The following PAX8 variants were observed in gnomAD, a reference collection of about 807,000 sequenced individuals.
The protein encoded by PAX8 is paired box 8, also known as paired box protein Pax-8.
PAX8 carries 15 observed loss-of-function variants against 52.4 expected under a neutral mutation model. The ratio of observed to expected loss-of-function variants is 0.29; its 90% confidence interval spans 0.19 to 0.44. The LOEUF (loss-of-function observed/expected upper bound fraction) is 0.44. Ranked by LOEUF, PAX8 falls within the 20% of genes least tolerant of loss-of-function variation. The pLI, the probability that PAX8 is intolerant of heterozygous loss-of-function variation, is 1.00. For missense variants in PAX8, 554 were observed against 602.5 expected, an observed-to-expected ratio of 0.92 and a Z score of 0.84; for synonymous variants, 284 against 249.7, an observed-to-expected ratio of 1.14 and a Z score of -1.29.
intron 2 of PAX8, chr2:113,272,408 CCAAA>C (rs1693522419): frequency 6.6e-6 from 1 of 152,126 alleles, no homozygotes; most frequent in South Asian, 2.1e-4. Flanking sequence ...TTTCAGCAAC[CCAAA>C]CAGTCTTGTC....
Position 113,241,401 on chromosome 2 carries a change from C to T in PAX8, c.777+150G>A, listed in dbSNP as rs1336595075. On this transcript the variant is annotated intron_variant, in intron 7 of 11. Coordinates refer to ENST00000429538, the MANE Select transcript of PAX8 (RefSeq NM_003466.4). The stretch of plus-strand genomic sequence containing the variant: ...TGCCAGGGCATCTGGTAAAATAAAG[C>T]ATGTGTCAGGCTTGGAGTTGCATAA... 4 of 767,818 alleles carry T rather than the reference C, an allele frequency of 5.2e-6. No homozygotes were observed. The African/African-American group carries it at 6.8e-5, about 13-fold the overall frequency. 47.6% of individuals were successfully genotyped at this position (767,818 alleles called of 1,614,324 possible). A position where few individuals can be genotyped will look rare whatever the true frequency, so the allele number is the denominator to read the frequency against.
At chr2:113,228,026 C>A (rs1398037430) in intron 9 of PAX8, among the ~76,000 whole-genome samples, 3 of 152,178 alleles carry the variant, frequency 2.0e-5, no homozygotes, top group Non-Finnish European at 4.4e-5. Context: ...GCTTGTGGGT[C>A]ATACCCCCAC....
chr2:113,232,249 T>G (rs934092753), intron 9 of PAX8, among the ~76,000 whole-genome samples: 2 of 152,248 alleles, frequency 1.3e-5, no homozygotes, highest in Non-Finnish European at 2.9e-5. Context: ...GAGCTCAGCA[T>G]GGACACCAGC....
At chr2:113,247,636 G>A (rs1474436668) in intron 2 of PAX8, among the ~76,000 whole-genome samples, 19 of 152,212 alleles carry the variant, frequency 1.2e-4, no homozygotes, top group East Asian at 5.8e-4. Flanking sequence ...ATCTATCCAC[G>A]TCATGGATGT....
At chr2:113,243,175 C>G (rs967233326) in intron 4 of PAX8, among the ~76,000 whole-genome samples, 11 of 152,346 alleles carry the variant, frequency 7.2e-5, no homozygotes, top group South Asian at 2.1e-4. Flanking sequence ...CCCATCCCCT[C>G]TTGGCCCTTT....
At position 113,217,875 on chromosome 2, in the gene PAX8, A is replaced by T. The variant is rs1307333531; in HGVS notation, c.*658T>A. On this transcript the variant is annotated 3_prime_UTR_variant, in exon 12 of 12. Coordinates refer to ENST00000429538, the MANE Select transcript of PAX8 (RefSeq NM_003466.4). ...GGTGGTGCTATACCTTCACAGCAGC[A>T]GGCAAAAGAGGTCAGCTGACAGCCT... 8.6e-6 allele frequency: 2 copies of T among 233,072 alleles called. No individual in the cohort carries two copies. Among genetic ancestry groups the T allele is most frequent in the Non-Finnish European group, 1.7e-5 (2 of 118,034 alleles). The allele number at this position is 233,072 out of a possible 1,614,324, so 14.4% of individuals were successfully genotyped here.
chr2:113,244,495 G>A lies in PAX8; in HGVS notation c.321C>T (p.Ile107=), dbSNP rs754674434. The part of the protein sequence containing the change: ...RQNPTMFAWE[I]RDRLLAEGVC... ...CGCCCTCAGCCAGGAGCCGGTCTCG[G>A]ATCTCCCAGGCAAACATGGTAGGGT... Residue 107 remains isoleucine, a synonymous_variant, in exon 4 of 12, where the codon ATC becomes ATT. Coordinates refer to ENST00000429538, the MANE Select transcript of PAX8 (RefSeq NM_003466.4). The A allele has an allele frequency of 1.2e-6, 2 of 1,614,136 alleles. No homozygotes were observed. Among genetic ancestry groups the A allele is most frequent in the Non-Finnish European group, 1.7e-6 (2 of 1,179,990 alleles).
intron 4 of PAX8, among the ~76,000 whole-genome samples, chr2:113,243,292 T>C (rs1691025543): frequency 6.6e-6 from 1 of 152,208 alleles, no homozygotes; most frequent in Non-Finnish European, 1.5e-5. Flanking sequence ...CAAGAAGATA[T>C]AACACAGCCC....
At chr2:113,236,870 A>C (rs1690403334) in intron 7 of PAX8, 149 bp from the exon 8 acceptor site, 3 of 890,808 alleles carry the variant, frequency 3.4e-6, no homozygotes, top group East Asian at 2.9e-5. Flanking sequence ...TCTCAACTCC[A>C]CTCGGCACGT....
intron 11 of PAX8, among the ~76,000 whole-genome samples, chr2:113,219,161 T>A (rs1454150379): frequency 6.6e-6 from 1 of 152,088 alleles, no homozygotes; most frequent in Non-Finnish European, 1.5e-5. Flanking sequence ...CTGGCTAAAT[T>A]GAATGGAAAG....
chr2:113,241,500 C>G, intron 7 of PAX8, 51 bp downstream of exon 7: 2 of 1,530,542 alleles, frequency 1.3e-6, no homozygotes, highest in Non-Finnish European at 1.8e-6. Flanking sequence ...GAGAATAGAC[C>G]TTCTCTGGCC....
intron 8 of PAX8, 169 bp from the exon 9 acceptor site, chr2:113,235,751 C>T (rs1438983488): frequency 6.8e-6 from 4 of 588,656 alleles, no homozygotes; most frequent in Non-Finnish European, 1.2e-5. Flanking sequence ...CGTGGCAAGG[C>T]GGGGAGAGAG....
intron 10 of PAX8, among the ~76,000 whole-genome samples, chr2:113,221,927 T>A (rs1689292499): frequency 6.7e-6 from 1 of 149,712 alleles, no homozygotes; most frequent in Non-Finnish European, 1.5e-5. Context: ...GCAAAAAACA[T>A]GGGTAAAAAA....
intron 10 of PAX8, among the ~76,000 whole-genome samples, chr2:113,222,283 G>A (rs1689317560): frequency 6.6e-6 from 1 of 152,168 alleles, no homozygotes; most frequent in African/African-American, 2.4e-5. Flanking sequence ...CTACCCAATG[G>A]CAAACACAGT....
At chr2:113,226,249 AG>A in intron 10 of PAX8, 2 of 985,450 alleles carry the variant, frequency 2.0e-6, no homozygotes, top group Non-Finnish European at 2.4e-6. Context: ...CTGGGGTCAC[AG>A]CCAGAGAGGC....
intron 11 of PAX8, 113 bp downstream of exon 11, chr2:113,219,979 C>T (rs1292029901): frequency 4.3e-6 from 3 of 701,856 alleles, no homozygotes; most frequent in Non-Finnish European, 5.0e-6. Context: ...ATCTCCCAGG[C>T]CCTCTGTATA....
At chr2:113,257,562 T>A (rs1418874258) in intron 2 of PAX8, among the ~76,000 whole-genome samples, 1 of 152,094 alleles carries the variant, frequency 6.6e-6, no homozygotes, top group Non-Finnish European at 1.5e-5. Flanking sequence ...TATTATTTCA[T>A]CCCCAATAGT....
rs1391959754 is a variant in PAX8 at position 113,253,507 on chromosome 2, ACT to A, written c.26-6590_26-6589del. Among the ~76,000 whole-genome samples the A allele has an allele frequency of 3.3e-5, 5 of 151,930 alleles. No individual in the cohort carries two copies. The South Asian group carries it at 8.3e-4, about 25-fold the overall frequency. ...TCAACCTCCTGCCACCTGCCACCACACTCTCTGCACCGCACTGTCATCGGTCT... is the reference window on the plus strand; with the variant it reads ...TCAACCTCCTGCCACCTGCCACCACACTCTGCACCGCACTGTCATCGGTCT... On this transcript the variant is annotated intron_variant, in intron 2 of 11. Transcript: ENST00000429538.
chr2:113,264,356 ATTTCTTGCTTTCT>A (rs1692902738), intron 2 of PAX8, among the ~76,000 whole-genome samples: 1 of 152,340 alleles, frequency 6.6e-6, no homozygotes, highest in South Asian at 2.1e-4. Flanking sequence ...CAAAGGCTGC[ATTTCTTGCTTTCT>A]CAGTTCCCTC....
Sources: gnomAD v4.1 joint callset for allele counts (sites outside exome capture counted in the v4.1 genomes callset) on GRCh38, gnomAD v4.1.1 for gene constraint, MANE v1.5 for transcripts, NCBI Gene and HGNC (gene_info 2026-07-23, HGNC 2026-07-21) for gene names.